Variants in ADCY1 observed in about 807,000 individuals in gnomAD.
ADCY1 encodes the protein adenylate cyclase type 1.
ADCY1 carries 28 observed loss-of-function variants against 105.4 expected under a neutral mutation model. The observed-to-expected ratio is 0.27, with a 90% CI of 0.20 to 0.36. ADCY1 has a LOEUF of 0.36. ADCY1 is among the 10% of genes least tolerant of loss of function. The probability of loss-of-function intolerance (pLI) is 1.00; values close to 1 mark genes in which losing one functional copy is unlikely to be tolerated. For missense variants in ADCY1, 977 were observed against 1,434.2 expected, an observed-to-expected ratio of 0.68 and a Z score of 5.15; for synonymous variants, 655 against 623.8, an observed-to-expected ratio of 1.05 and a Z score of -0.75.
Position 45,715,541 on chromosome 7 carries a change from G to C in ADCY1, c.*1546G>C, listed in dbSNP as rs563303276. The C allele has an allele frequency of 6.6e-6, 1 of 152,308 alleles. No individual in the cohort carries two copies. The highest frequency in any genetic ancestry group is 2.1e-4 in the South Asian group (1 of 4,838). 9.4% of individuals were successfully genotyped at this position (152,308 alleles called of 1,614,324 possible). ...TTCCCTGGAGTGTAGACCTGTGTGT[G>C]GGACCTGCTCCAGGCTGATCCCTGT... On this transcript the variant is annotated 3_prime_UTR_variant, in exon 20 of 20. Transcript: ENST00000297323.
intron 4 of ADCY1, among the ~76,000 whole-genome samples, chr7:45,634,118 C>A (rs186168861): frequency 5.3e-5 from 8 of 152,288 alleles, no homozygotes; most frequent in African/African-American, 1.7e-4. Context: ...TGAGCTCACT[C>A]ATTTCTGGTA....
intron 8 of ADCY1, among the ~76,000 whole-genome samples, chr7:45,674,527 C>T (rs1784421773): frequency 6.6e-6 from 1 of 152,124 alleles, no homozygotes; most frequent in South Asian, 2.1e-4. Flanking sequence ...GCACCCGCCA[C>T]CACGCCCTGC....
chr7:45,616,623 G>T (rs781396670), intron 3 of ADCY1, among the ~76,000 whole-genome samples: 1 of 152,094 alleles, frequency 6.6e-6, no homozygotes, highest in Non-Finnish European at 1.5e-5. Context: ...ACACCCTTTC[G>T]TGATAAAAAT....
intron 2 of ADCY1, 128 bp from the exon 3 acceptor site, chr7:45,610,251 G>A: frequency 2.7e-6 from 2 of 747,768 alleles, no homozygotes; most frequent in South Asian, 1.7e-5. Context: ...TTGTTCAGTG[G>A]CAGTCCAGCC....
chr7:45,649,655 G>A (rs1200998696), intron 5 of ADCY1, among the ~76,000 whole-genome samples: 1 of 152,230 alleles, frequency 6.6e-6, no homozygotes, highest in Non-Finnish European at 1.5e-5. Flanking sequence ...TGCCTCGTGG[G>A]CTGCCCCATG....
chr7:45,635,120 A>G (rs932235045), intron 4 of ADCY1, among the ~76,000 whole-genome samples: 1 of 149,224 alleles, frequency 6.7e-6, no homozygotes, highest in Non-Finnish European at 1.5e-5. Context: ...ATTTCTTTAA[A>G]TAGAGCTAGT....
chr7:45,667,862 A>C (rs1259129683), intron 8 of ADCY1, among the ~76,000 whole-genome samples: 1 of 152,122 alleles, frequency 6.6e-6, no homozygotes, highest in Non-Finnish European at 1.5e-5. Context: ...TGTAAGTTGG[A>C]TTCCTAGGTA....
At chr7:45,584,664 C>T (rs1307078818) in intron 1 of ADCY1, among the ~76,000 whole-genome samples, 1 of 152,238 alleles carries the variant, frequency 6.6e-6, no homozygotes, top group Non-Finnish European at 1.5e-5. Context: ...TTCTATGCTC[C>T]CTGTGCCCCC....
In ADCY1 at chr7:45,705,195, C is replaced by T. The variant is rs578260483; in HGVS notation, c.2817+579C>T. Among the ~76,000 whole-genome samples the T allele has an allele frequency of 2.6e-5, 4 of 152,208 alleles. No individual in the cohort carries two copies. In the South Asian group the frequency reaches 8.3e-4, roughly 32 times the overall value. The stretch of plus-strand genomic sequence containing the variant: ...TACAATCTCTTCCAGAAGACAGAAG[C>T]AGAAGGAACACTTTCTAACTCATTC... On this transcript the variant is annotated intron_variant, in intron 17 of 19. Transcript: ENST00000297323.
intron 14 of ADCY1, among the ~76,000 whole-genome samples, chr7:45,697,386 C>CT (rs34522967): frequency 0.49 from 52,899 of 108,244 alleles, 14,058 homozygotes; most frequent in South Asian, 0.71. Context: ...CTCTCTTTAC[C>CT]TTTTTTTTTT....
intron 1 of ADCY1, among the ~76,000 whole-genome samples, chr7:45,583,656 T>C (rs1225271051): frequency 6.6e-6 from 1 of 152,130 alleles, no homozygotes; most frequent in African/African-American, 2.4e-5. Context: ...TTCTTTTTTT[T>C]TGAGATGGAG....
chr7:45,712,203 A>G (rs1303881349), intron 19 of ADCY1, among the ~76,000 whole-genome samples: 1 of 143,652 alleles, frequency 7.0e-6, no homozygotes, highest in African/African-American at 2.5e-5. Flanking sequence ...ATTAAATGTT[A>G]AATATATTAA....
chr7:45,657,908 A>AGGGGGTGGGGG, intron 6 of ADCY1, 23 bp downstream of exon 6: 2 of 237,418 alleles, frequency 8.4e-6, no homozygotes, highest in East Asian at 9.9e-5. Flanking sequence ...TGGGGTGGGG[A>AGGGGGTGGGGG]GGGGAGGGAG....
At chr7:45,630,200 G>C (rs1034255079) in intron 4 of ADCY1, among the ~76,000 whole-genome samples, 1 of 152,092 alleles carries the variant, frequency 6.6e-6, no homozygotes, top group Non-Finnish European at 1.5e-5. Flanking sequence ...TGATCCCTGA[G>C]ACTTTGGCTT....
rs1792268594 is a variant in ADCY1, at chr7:45,574,625, A to G, written c.82A>G (p.Ser28Gly). Residue 28 changes from serine (S) to glycine (G), a missense_variant, in exon 1 of 20, where the codon AGC becomes GGC. Ser to Gly is a moderately conservative substitution (Grantham distance 56). Around this residue, in one of 7 missense-constraint regions of ADCY1, gnomAD observed 209 missense variants for 222.5 expected, o/e 0.94. Transcript: ENST00000297323. The surrounding 1 kb of genome is among the most constrained non-coding windows in gnomAD (Gnocchi z 7.0). Reference protein sequence around the residue: ...PGGAERAAGTSRRRGLRACDE... With the variant: ...PGGAERAAGTGRRRGLRACDE... ...GGGCGCCGAGCGGGCGGCCGGGACA[A>G]GCCGCCGGCGCGGGCTCCGGGCGTG... 2.5e-6 allele frequency: 3 copies of G among 1,191,620 alleles called. No homozygotes were observed. Among genetic ancestry groups the G allele is most frequent in the Non-Finnish European group, 3.1e-6 (3 of 963,812 alleles). 73.8% of individuals were successfully genotyped at this position (1,191,620 alleles called of 1,614,324 possible).
chr7:45,579,054 G>C (rs1792439203), intron 1 of ADCY1, among the ~76,000 whole-genome samples: 1 of 152,190 alleles, frequency 6.6e-6, no homozygotes, highest in Non-Finnish European at 1.5e-5. Context: ...AAATTTCCCT[G>C]TGCAGCCCCA....
At chr7:45,619,684 A>G (rs565738334) in intron 3 of ADCY1, among the ~76,000 whole-genome samples, 24 of 152,192 alleles carry the variant, frequency 1.6e-4, no homozygotes, top group Non-Finnish European at 3.2e-4. Context: ...AAAATAGTCA[A>G]ATTCATAGCA....
In ADCY1 at chr7:45,708,605, C is replaced by T; in HGVS notation, c.2932+141C>T. 3.2e-6 allele frequency: 2 copies of T among 628,014 alleles called. No individual in the cohort carries two copies. Among genetic ancestry groups the T allele is most frequent in the Non-Finnish European group, 2.9e-6 (1 of 349,938 alleles). 38.9% of individuals were successfully genotyped at this position (628,014 alleles called of 1,614,324 possible). On this transcript the variant is annotated intron_variant, in intron 18 of 19. Coordinates refer to ENST00000297323, the MANE Select transcript of ADCY1 (RefSeq NM_021116.4). This position sits in a 1 kb window ranked among gnomAD's most constrained non-coding sequence, Gnocchi z 4.7. The stretch of plus-strand genomic sequence containing the variant: ...CCAGGAGGGCATGGGGACCTGTGTA[C>T]CGAGTTGCCCCTGGAAGCTGCTGGT...
intron 1 of ADCY1, 109 bp from the exon 2 acceptor site, chr7:45,592,650 G>T: frequency 6.7e-7 from 1 of 1,488,090 alleles, no homozygotes; most frequent in East Asian, 2.3e-5. Context: ...GGTTTGGCCC[G>T]GGCGGCGTGG....
Sources: gnomAD v4.1 joint callset for allele counts (sites outside exome capture counted in the v4.1 genomes callset) on GRCh38, gnomAD v4.1.1 for gene constraint, gnomAD v4.1.1 regional missense constraint, Gnocchi (gnomAD v3.1) non-coding constraint, MANE v1.5 for transcripts, NCBI Gene and HGNC (gene_info 2026-07-23, HGNC 2026-07-21) for gene names.